RUBCNL: variants seen among roughly 807,000 people sequenced by gnomAD.
RUBCNL encodes the protein rubicon like autophagy enhancer.
A neutral mutation model predicts 69.5 loss-of-function variants in RUBCNL; 62 were observed. The observed-to-expected ratio is 0.89, with a 90% CI of 0.73 to 1.10. The LOEUF (loss-of-function observed/expected upper bound fraction) is 1.10, where lower values mean the gene tolerates loss of function less well. Ranked by LOEUF, RUBCNL falls within the 50% of genes least tolerant of loss-of-function variation. The pLI is 0.00. For missense variants in RUBCNL, 768 were observed against 798.1 expected (o/e 0.96, Z 0.45); for synonymous variants, 291 against 303.6 (o/e 0.96, Z 0.43).
rs1478618241 is a variant in RUBCNL, at chr13:46,335,368, T to C, written c.*8017A>G. Among the ~76,000 whole-genome samples the C allele has an allele frequency of 8.7e-5, 13 of 149,460 alleles. No individual in the cohort carries two copies. Among genetic ancestry groups the C allele is most frequent in the Admixed American group, 7.4e-4 (11 of 14,892 alleles). ...ATCCTCCTGCATTGGCCTCCCAAAGTGCTGGGATTACAGACACGAGCCAGC... is the reference window on the plus strand; with the variant it reads ...ATCCTCCTGCATTGGCCTCCCAAAGCGCTGGGATTACAGACACGAGCCAGC... On this transcript the variant is annotated 3_prime_UTR_variant, in exon 15 of 15. Transcript: ENST00000429979.
chr13:46,335,968 G>C lies in RUBCNL; in HGVS notation c.*7417C>G, dbSNP rs2048102728. The stretch of plus-strand genomic sequence containing the variant: ...CCATCCCAAGAGAAGAAAAGAGATG[G>C]CAAAACTGAGCCCTGGAATCTCTGT... On this transcript the variant is annotated 3_prime_UTR_variant, in exon 15 of 15. Transcript: ENST00000429979. 6.6e-6 allele frequency among the ~76,000 whole-genome samples: 1 copy of C among 152,196 alleles called. No individual in the cohort carries two copies. Among genetic ancestry groups the C allele is most frequent in the Admixed American group, 6.5e-5 (1 of 15,280 alleles).
Position 46,339,288 on chromosome 13 carries a change from C to T in RUBCNL, c.*4097G>A, listed in dbSNP as rs1322061761. ...AGTGAAAAAGGGGAACTACGGTTTT[C>T]CTTCCCATACCAGTTGAGAAATTAT... On this transcript the variant is annotated 3_prime_UTR_variant, in exon 15 of 15. Coordinates refer to ENST00000429979, the MANE Select transcript of RUBCNL (RefSeq NM_025113.5). Among the ~76,000 whole-genome samples the T allele has an allele frequency of 6.6e-6, 1 of 152,114 alleles. No homozygotes were observed.
chr13:46,372,186 T>C lies in RUBCNL; in HGVS notation c.290A>G (p.Asp97Gly). The change falls in exon 3 of 15, where the codon GAC becomes GGC. Residue 97 changes from aspartate (D) to glycine (G), a missense_variant. Physicochemically the swap from Asp to Gly is moderately conservative, Grantham distance 94. Coordinates refer to ENST00000429979, the MANE Select transcript of RUBCNL (RefSeq NM_025113.5). ...PSGPSPSCLG[D>G]SLAETTLSED... ...AGACAACGTTGTCTCTGCCAGGGAG[T>C]CCCCGAGGCACGAAGGTGAAGGGCC... 6.2e-7 allele frequency: 1 copy of C among 1,613,560 alleles called. No homozygotes were observed. The highest frequency in any genetic ancestry group is 8.5e-7 in the Non-Finnish European group (1 of 1,179,800).
At chr13:46,368,698 A>T in intron 4 of RUBCNL, 35 bp downstream of exon 4, 4 of 1,547,992 alleles carry the variant, frequency 2.6e-6, no homozygotes, top group Non-Finnish European at 3.6e-6. Flanking sequence ...AAGGATTAAG[A>T]CTCTATGGTT....
chr13:46,372,844 A>G (rs1594173352), intron 2 of RUBCNL, among the ~76,000 whole-genome samples: 1 of 152,342 alleles, frequency 6.6e-6, no homozygotes, highest in Non-Finnish European at 1.5e-5. Flanking sequence ...AGAAATCACA[A>G]AGGATCAACT....
chr13:46,387,551 G>C (rs1408183), upstream of RUBCNL: 4,601 of 985,618 alleles, frequency 4.7e-3, 38 homozygotes, highest in African/African-American at 0.028. Context: ...AGGGGTCAAA[G>C]ACCTGGCAGA....
At chr13:46,352,533 G>A (rs1196610902) in intron 10 of RUBCNL, among the ~76,000 whole-genome samples, 2 of 152,158 alleles carry the variant, frequency 1.3e-5, no homozygotes, top group Admixed American at 6.5e-5. Flanking sequence ...GGCCGGGTGC[G>A]GTGGCTCACA....
At chr13:46,377,364 A>G (rs1457442828) in intron 2 of RUBCNL, among the ~76,000 whole-genome samples, 4 of 152,202 alleles carry the variant, frequency 2.6e-5, no homozygotes, top group African/African-American at 9.7e-5. Flanking sequence ...CGTGGATTCA[A>G]GCAATTCTCA....
intron 4 of RUBCNL, chr13:46,368,453 C>T (rs73188897): frequency 0.13 from 129,604 of 984,462 alleles, 9,150 homozygotes; most frequent in Non-Finnish European, 0.14. Flanking sequence ...CTATAATCAA[C>T]GGACAACTCA....
chr13:46,351,990 G>A (rs889010047), intron 10 of RUBCNL, among the ~76,000 whole-genome samples: 1 of 152,026 alleles, frequency 6.6e-6, no homozygotes, highest in Non-Finnish European at 1.5e-5. Context: ...ACCATGCCCG[G>A]CTAATTTTTG....
At position 46,339,738 on chromosome 13, in the gene RUBCNL, A is replaced by G. The variant is rs1750446; in HGVS notation, c.*3647T>C. 0.31 allele frequency among the ~76,000 whole-genome samples: 46,812 copies of G among 151,780 alleles called. 7,365 individuals are homozygous for G. Among genetic ancestry groups the G allele is most frequent in the Middle Eastern group, 0.35 (102 of 290 alleles). ...TCCAGGCCTGGTGGCGTGCGCCTGC[A>G]ATCCCAGCTACTCGGGAGGGTGAGA... On this transcript the variant is annotated 3_prime_UTR_variant, in exon 15 of 15. Transcript: ENST00000429979.
Position 46,380,298 on chromosome 13 carries a change from C to T in RUBCNL, c.-238-2293G>A, listed in dbSNP as rs149095104. ...ACCCAAATGACTAACTCCCTCTGGTCGCTGCATATGACGCCCTTCCCAGTC... is the reference window on the plus strand; with the variant it reads ...ACCCAAATGACTAACTCCCTCTGGTTGCTGCATATGACGCCCTTCCCAGTC... On this transcript the variant is annotated intron_variant, in intron 1 of 14. Transcript: ENST00000429979. Among the ~76,000 whole-genome samples the T allele has an allele frequency of 1.6e-4, 25 of 152,286 alleles. 1 individual carries two copies. The East Asian group carries it at 4.8e-3, about 29-fold the overall frequency.
Position 46,340,023 on chromosome 13 carries a change from G to A in RUBCNL, c.*3362C>T, listed in dbSNP as rs1594123030. ...CCCTGCCTCTCTCCGGCTTCTGGGGGCTGCCAGCAATTCTTGGTGCTCCTT... is the reference window on the plus strand; with the variant it reads ...CCCTGCCTCTCTCCGGCTTCTGGGGACTGCCAGCAATTCTTGGTGCTCCTT... On this transcript the variant is annotated 3_prime_UTR_variant, in exon 15 of 15. Coordinates refer to ENST00000429979, the MANE Select transcript of RUBCNL (RefSeq NM_025113.5). Among the ~76,000 whole-genome samples the A allele has an allele frequency of 6.6e-6, 1 of 151,872 alleles. No homozygotes were observed. Among genetic ancestry groups the A allele is most frequent in the Admixed American group, 6.6e-5 (1 of 15,252 alleles).
Position 46,368,792 on chromosome 13 carries a change from T to A in RUBCNL, c.559A>T (p.Thr187Ser). ...GGTGAGAAGGAATTCGAAGAAATGG[T>A]TCTTCTACTGACTTGAACAGCACCT... Reference protein sequence around the residue: ...DEGAVQVSRRTISSNSFSPEV... With the variant: ...DEGAVQVSRRSISSNSFSPEV... Residue 187 changes from threonine (T) to serine (S), a missense_variant, in exon 4 of 15, where the codon ACC (threonine) becomes TCC (serine). Thr to Ser is a moderately conservative substitution (Grantham distance 58). Transcript: ENST00000429979. The A allele has an allele frequency of 6.2e-7, 1 of 1,613,816 alleles. No individual in the cohort carries two copies. The highest frequency in any genetic ancestry group is 8.5e-7 in the Non-Finnish European group (1 of 1,179,794).
In RUBCNL at chr13:46,335,994, C is replaced by G. The variant is rs898834834; in HGVS notation, c.*7391G>C. Reference sequence around the variant, plus strand: ...CAAAACTGAGCCCTGGAATCTCTGTCTTTATTTAGAGATGGACAGAGAAAG... The same window carrying G: ...CAAAACTGAGCCCTGGAATCTCTGTGTTTATTTAGAGATGGACAGAGAAAG... On this transcript the variant is annotated 3_prime_UTR_variant, in exon 15 of 15. Coordinates refer to ENST00000429979, the MANE Select transcript of RUBCNL (RefSeq NM_025113.5). 6.6e-6 allele frequency among the ~76,000 whole-genome samples: 1 copy of G among 152,114 alleles called. No individual in the cohort carries two copies. Among genetic ancestry groups the G allele is most frequent in the African/African-American group, 2.4e-5 (1 of 41,412 alleles).
chr13:46,362,959 T>TATATATATAG (rs1555253833), intron 6 of RUBCNL, among the ~76,000 whole-genome samples, 156 bp downstream of exon 6: 7 of 122,886 alleles, frequency 5.7e-5, no homozygotes, highest in Non-Finnish European at 1.0e-4. Context: ...TATATATATA[T>TATATATATAG]ATATATATAT....
chr13:46,388,625 G>GCTCT (rs2049301236), upstream of RUBCNL, among the ~76,000 whole-genome samples: 1 of 152,212 alleles, frequency 6.6e-6, no homozygotes, highest in Non-Finnish European at 1.5e-5. Context: ...TCCCGGGGAA[G>GCTCT]GACCTCTGAG....
At position 46,338,277 on chromosome 13, in the gene RUBCNL, G is replaced by C. The variant is rs1189674405; in HGVS notation, c.*5108C>G. Among the ~76,000 whole-genome samples the C allele has an allele frequency of 6.6e-6, 1 of 152,144 alleles. No homozygotes were observed. The highest frequency in any genetic ancestry group is 2.4e-5 in the African/African-American group (1 of 41,446). On this transcript the variant is annotated 3_prime_UTR_variant, in exon 15 of 15. Coordinates refer to ENST00000429979, the MANE Select transcript of RUBCNL (RefSeq NM_025113.5). The stretch of plus-strand genomic sequence containing the variant: ...ACCCGAGAAAGCAGGTTTGAATTTT[G>C]AAATCTTTGACTCCTCACTGCTCTG...
chr13:46,357,332 C>CA (rs750289413), intron 9 of RUBCNL, among the ~76,000 whole-genome samples: 4,898 of 52,514 alleles, frequency 0.093, 425 homozygotes, highest in East Asian at 0.42. Flanking sequence ...GACTCCGTCT[C>CA]AAAAAAAAAA....
Sources: gnomAD v4.1 joint callset for allele counts (sites outside exome capture counted in the v4.1 genomes callset) on GRCh38, gnomAD v4.1.1 for gene constraint, MANE v1.5 for transcripts, NCBI Gene and HGNC (gene_info 2026-07-23, HGNC 2026-07-21) for gene names.